RTCA: variants seen among roughly 807,000 people sequenced by gnomAD.
RTCA encodes the protein RNA 3'-terminal phosphate cyclase, also known as RNA terminal phosphate cyclase domain 1.
Under a neutral mutation model 46.1 loss-of-function variants are expected in RTCA, and 37 were observed. The observed-to-expected ratio is 0.80, with a 90% CI of 0.62 to 1.06. RTCA has a LOEUF of 1.06. Among genes scored for constraint, RTCA ranks in the 50% least tolerant of loss-of-function variants. The pLI is 0.00. For missense variants in RTCA, 435 were observed against 455.5 expected, an observed-to-expected ratio of 0.95 and a Z score of 0.41; for synonymous variants, 164 against 158.3, an observed-to-expected ratio of 1.04 and a Z score of -0.27.
chr1:100,287,523 TTA>T (rs1261080461), intron 10 of RTCA, among the ~76,000 whole-genome samples: 1 of 152,194 alleles, frequency 6.6e-6, no homozygotes, highest in Admixed American at 6.5e-5. Flanking sequence ...AAAACCCATG[TTA>T]TAATCACTGT....
At chr1:100,285,611 C>G (rs1461702821) in intron 9 of RTCA, among the ~76,000 whole-genome samples, 1 of 152,024 alleles carries the variant, frequency 6.6e-6, no homozygotes, top group Non-Finnish European at 1.5e-5. Context: ...ATTCTAGTCT[C>G]CTTTGCTAGT....
At chr1:100,267,971 C>A in intron 2 of RTCA, 181 bp from the exon 3 acceptor site, 3 of 681,588 alleles carry the variant, frequency 4.4e-6, no homozygotes, top group Admixed American at 3.0e-5. Context: ...TAAAATGATA[C>A]ATACTAGCAG....
At chr1:100,272,419 C>T (rs757616940) in intron 4 of RTCA, among the ~76,000 whole-genome samples, 1 of 152,084 alleles carries the variant, frequency 6.6e-6, no homozygotes, top group African/African-American at 2.4e-5. Flanking sequence ...GAGACCCCAT[C>T]TCTAAAATAA....
chr1:100,273,584 T>C, intron 5 of RTCA, 132 bp downstream of exon 5: 1 of 506,116 alleles, frequency 2.0e-6, no homozygotes. Context: ...GTAATTGTAC[T>C]TTGTGGCTTA....
At position 100,266,420 on chromosome 1, in the gene RTCA, G is replaced by A. The variant is rs765836051; in HGVS notation, c.45G>A (p.Gly15=). ...AGGTCGATGGCAGCATCATGGAAGG[G>A]GTGAGTACAGAGCGAAGCGGCCGGG... ...RVEVDGSIME[G]GGQILRVSTA... Residue 15 remains glycine (G), a splice_region_variant and synonymous_variant, in exon 1 of 11, where the codon GGG becomes GGA. Transcript: ENST00000370128. 3 of 1,613,272 alleles carry A rather than the reference G, an allele frequency of 1.9e-6. No individual in the cohort carries two copies. In the African/African-American group the frequency reaches 4.0e-5, roughly 22 times the overall value.
rs552601239 is a variant in RTCA at position 100,268,295 on chromosome 1, G to A, written c.290G>A (p.Gly97Glu). The part of the protein sequence containing the change: ...GIHTADTKTA[G>E]SVCLLMQVSM... Reference sequence around the variant, plus strand: ...CACACAGCAGATACCAAGACAGCAGGGTATGTATCACTTAACATTCCATTT... The same window carrying A: ...CACACAGCAGATACCAAGACAGCAGAGTATGTATCACTTAACATTCCATTT... Residue 97 changes from glycine to glutamate, a missense_variant and splice_region_variant, in exon 3 of 11, where the codon GGG becomes GAG. Coordinates refer to ENST00000370128, the MANE Select transcript of RTCA (RefSeq NM_003729.4). 39 of 1,605,038 alleles carry A rather than the reference G, an allele frequency of 2.4e-5. 1 individual carries two copies. In the South Asian group the frequency reaches 4.1e-4, roughly 17 times the overall value.
intron 9 of RTCA, among the ~76,000 whole-genome samples, chr1:100,286,606 C>A (rs545458999): frequency 1.3e-5 from 2 of 152,094 alleles, no homozygotes; most frequent in South Asian, 4.1e-4. Context: ...TCCTTAGTCC[C>A]AAATCAGTAG....
In RTCA at chr1:100,266,601, C is replaced by G. The variant is rs1446964598; in HGVS notation, c.123C>G (p.Ala41=). 1.2e-6 allele frequency: 2 copies of G among 1,613,388 alleles called. No homozygotes were observed. The highest frequency in any genetic ancestry group is 1.1e-5 in the South Asian group (1 of 90,994). The stretch of plus-strand genomic sequence containing the variant: ...CCTTGCGGGTGCAGAAGATCCGAGC[C>G]GGCCGGAGCACGCCAGGCCTGAGGT... ...GLPLRVQKIR[A]GRSTPGLRPQ... is the part of the protein sequence containing the mutation. Residue 41 remains alanine (A), a synonymous_variant, in exon 2 of 11, where the codon GCC becomes GCG. Transcript: ENST00000370128.
At chr1:100,266,741 A>G in intron 2 of RTCA, 117 bp downstream of exon 2, 3 of 843,256 alleles carry the variant, frequency 3.6e-6, no homozygotes, top group Non-Finnish European at 5.7e-6. Flanking sequence ...AGACGCAGGT[A>G]TGGGCGATCC....
Position 100,275,593 on chromosome 1 carries a change from A to G in RTCA, c.616-6A>G. On this transcript the variant is annotated splice_polypyrimidine_tract_variant and splice_region_variant and intron_variant, in intron 6 of 10. Transcript: ENST00000370128. ...TTTATTCTATTTTTCTGTCTTGCTA[A>G]AATAGGTAGCAAAAGATATGGCAGC... The G allele has an allele frequency of 1.3e-6, 2 of 1,594,526 alleles. No homozygotes were observed. The highest frequency in any genetic ancestry group is 1.7e-6 in the Non-Finnish European group (2 of 1,172,102).
At chr1:100,270,185 C>A (rs1049966164) in intron 3 of RTCA, among the ~76,000 whole-genome samples, 1 of 137,002 alleles carries the variant, frequency 7.3e-6, no homozygotes, top group Non-Finnish European at 1.6e-5. Context: ...TTCAAGAATT[C>A]TTTTGTAAAA....
chr1:100,283,160 CTTTTTTTT>C (rs71084815), intron 8 of RTCA, among the ~76,000 whole-genome samples: 16 of 102,106 alleles, frequency 1.6e-4, no homozygotes, highest in Admixed American at 5.0e-4. Flanking sequence ...CCAAATATTC[CTTTTTTTT>C]TTTTTTTTTT....
In RTCA at chr1:100,268,886, G is replaced by A. The variant is rs566361734; in HGVS notation, c.290+591G>A. ...CTTAACTTTGGAGAAGGGAGATAAT[G>A]GCTCATTTAGAAAACAACCAGGCCA... On this transcript the variant is annotated intron_variant, in intron 3 of 10. Coordinates refer to ENST00000370128, the MANE Select transcript of RTCA (RefSeq NM_003729.4). Among the ~76,000 whole-genome samples, 3 of 152,072 alleles carry A rather than the reference G, an allele frequency of 2.0e-5. No individual in the cohort carries two copies. In the East Asian group the frequency reaches 5.8e-4, roughly 29 times the overall value.
chr1:100,280,931 C>T (rs1412919981), intron 8 of RTCA, among the ~76,000 whole-genome samples: 2 of 152,140 alleles, frequency 1.3e-5, no homozygotes, highest in African/African-American at 4.8e-5. Flanking sequence ...ATCACTTGAG[C>T]CCAGGAGGTG....
intron 8 of RTCA, 109 bp from the exon 9 acceptor site, chr1:100,285,119 T>C (rs1254396518): frequency 1.4e-5 from 11 of 791,458 alleles, no homozygotes; most frequent in Non-Finnish European, 2.3e-5. Context: ...TTTTGAGGCC[T>C]AAAAATTGTA....
At chr1:100,274,759 G>A in intron 5 of RTCA, 65 bp from the exon 6 acceptor site, 1 of 1,440,596 alleles carries the variant, frequency 6.9e-7, no homozygotes, top group Admixed American at 2.0e-5. Flanking sequence ...TCATTTTATT[G>A]TAATATAGAG....
At chr1:100,275,537 G>C in intron 6 of RTCA, 62 bp from the exon 7 acceptor site, 2 of 1,381,220 alleles carry the variant, frequency 1.4e-6, no homozygotes, top group Non-Finnish European at 2.0e-6. Context: ...TTGAAGTCTT[G>C]AAAACAATTT....
chr1:100,275,670 C>G lies in RTCA; in HGVS notation c.687C>G (p.Ile229Met), dbSNP rs541875288. 13 of 1,612,190 alleles carry G rather than the reference C, an allele frequency of 8.1e-6. No individual in the cohort carries two copies. In the South Asian group the frequency reaches 1.4e-4, roughly 18 times the overall value. The change falls in exon 7 of 11, where the codon ATC becomes ATG. Residue 229 changes from isoleucine (I) to methionine (M), a missense_variant. By Grantham distance (10) the Ile-to-Met change is conservative. Coordinates refer to ENST00000370128, the MANE Select transcript of RTCA (RefSeq NM_003729.4). ...AGATCCGGGATTTGTATGTTAACAT[C>G]CAGCCTGTTCAAGAACCTAAAGACC... ...RKEIRDLYVN[I>M]QPVQEPKDQA... is the part of the protein sequence containing the mutation.
chr1:100,279,942 T>C (rs1391972840), intron 8 of RTCA, among the ~76,000 whole-genome samples: 1 of 152,162 alleles, frequency 6.6e-6, no homozygotes, highest in Non-Finnish European at 1.5e-5. Context: ...ATAGAGCATT[T>C]AATGAGGGAT....
Sources: gnomAD v4.1 joint callset for allele counts (sites outside exome capture counted in the v4.1 genomes callset) on GRCh38, gnomAD v4.1.1 for gene constraint, MANE v1.5 for transcripts, NCBI Gene and HGNC (gene_info 2026-07-23, HGNC 2026-07-21) for gene names.